Variants in SHOC2 observed in about 807,000 individuals in gnomAD.
SHOC2 encodes the protein SHOC2 leucine rich repeat scaffold protein, also known as leucine-rich repeat protein SHOC-2.
SHOC2 carries 4 observed loss-of-function variants against 50.2 expected under a neutral mutation model. The ratio of observed to expected loss-of-function variants is 0.08; its 90% CI spans 0.04 to 0.18. The LOEUF is 0.18. Among genes scored for constraint, SHOC2 ranks in the 10% least tolerant of loss-of-function variants. The probability of loss-of-function intolerance (pLI) is 1.00; values close to 1 mark genes in which losing one functional copy is unlikely to be tolerated. For missense variants in SHOC2, 388 were observed against 669.6 expected (o/e 0.58, Z 4.64); for synonymous variants, 218 against 244.5 (o/e 0.89, Z 1.01).
At chr10:110,942,589 C>T (rs1330642836) in intron 1 of SHOC2, among the ~76,000 whole-genome samples, 3 of 152,184 alleles carry the variant, frequency 2.0e-5, no homozygotes, top group African/African-American at 2.4e-5. Flanking sequence ...ACTGAAGAGC[C>T]GCACGTTCTC....
intron 1 of SHOC2, among the ~76,000 whole-genome samples, chr10:110,934,358 G>C (rs765776312): frequency 6.6e-6 from 1 of 152,102 alleles, no homozygotes; most frequent in Admixed American, 6.5e-5. Context: ...ATTAAATTAT[G>C]ATATAGCCAT....
chr10:110,947,342 C>A (rs902576901), intron 1 of SHOC2, among the ~76,000 whole-genome samples: 13 of 152,224 alleles, frequency 8.5e-5, no homozygotes, highest in African/African-American at 3.1e-4. Context: ...AGCAAGCCTG[C>A]TCGTGGACTA....
At chr10:110,980,999 G>A (rs1307553050) in intron 2 of SHOC2, among the ~76,000 whole-genome samples, 1 of 152,098 alleles carries the variant, frequency 6.6e-6, no homozygotes. Context: ...CATGTAGATG[G>A]AAACTTGTTT....
chr10:111,009,937 ATATC>A (rs947587008), intron 8 of SHOC2, 107 bp downstream of exon 8: 1 of 738,810 alleles, frequency 1.4e-6, no homozygotes, highest in African/African-American at 1.8e-5. Context: ...AACTGAGGTT[ATATC>A]AGGCTTAAGA....
At chr10:111,004,051 C>T (rs1848426886) in intron 4 of SHOC2, among the ~76,000 whole-genome samples, 1 of 152,026 alleles carries the variant, frequency 6.6e-6, no homozygotes, top group Non-Finnish European at 1.5e-5. Context: ...AGAAATTTTA[C>T]CATATAGAAA....
At chr10:110,929,234 A>G (rs776361228) in intron 1 of SHOC2, among the ~76,000 whole-genome samples, 1 of 152,228 alleles carries the variant, frequency 6.6e-6, no homozygotes, top group Non-Finnish European at 1.5e-5. Context: ...TATGGCCATT[A>G]TCCAGTTTTT....
chr10:110,922,274 G>A (rs1395499329), intron 1 of SHOC2, among the ~76,000 whole-genome samples: 1 of 152,094 alleles, frequency 6.6e-6, no homozygotes, highest in Admixed American at 6.5e-5. Flanking sequence ...GATGGCTTCC[G>A]AGTAGTGATT....
At chr10:110,943,874 G>A (rs1847198098) in intron 1 of SHOC2, among the ~76,000 whole-genome samples, 1 of 152,192 alleles carries the variant, frequency 6.6e-6, no homozygotes, top group Non-Finnish European at 1.5e-5. Context: ...AGTTTTAACA[G>A]TCTGCATTCT....
chr10:111,010,047 ATT>A (rs899652360), intron 8 of SHOC2, among the ~76,000 whole-genome samples: 23 of 152,150 alleles, frequency 1.5e-4, no homozygotes, highest in African/African-American at 5.5e-4. Context: ...TTAGTACTGT[ATT>A]TGAGAATGTT....
intron 1 of SHOC2, among the ~76,000 whole-genome samples, chr10:110,956,743 T>C (rs1442634503): frequency 6.6e-6 from 1 of 152,176 alleles, no homozygotes; most frequent in Non-Finnish European, 1.5e-5. Flanking sequence ...TTACCTTATA[T>C]AATCATTGTG....
intron 2 of SHOC2, among the ~76,000 whole-genome samples, chr10:110,972,447 C>T (rs1354372730): frequency 6.6e-6 from 1 of 152,116 alleles, no homozygotes; most frequent in South Asian, 2.1e-4. Flanking sequence ...TAAATAACTT[C>T]TTTTGACTGG....
At chr10:110,971,989 GATTTA>G (rs1022152112) in intron 2 of SHOC2, among the ~76,000 whole-genome samples, 14 of 151,776 alleles carry the variant, frequency 9.2e-5, no homozygotes, top group East Asian at 1.9e-4. Flanking sequence ...GACCTTAAGA[GATTTA>G]ATTTAACTCC....
intron 1 of SHOC2, among the ~76,000 whole-genome samples, chr10:110,941,676 T>C (rs1847148174): frequency 6.6e-6 from 1 of 152,206 alleles, no homozygotes; most frequent in Admixed American, 6.5e-5. Context: ...TTTTGTCGAA[T>C]ACATGGTTTG....
In SHOC2 at chr10:110,987,884, A is replaced by T. The variant is rs1407877246; in HGVS notation, c.841+2119A>T. ...TATAACCAAATGAACACAGCCAGAGACCAAAGTGATGATCTCTAGGATAAA... is the reference window on the plus strand; with the variant it reads ...TATAACCAAATGAACACAGCCAGAGTCCAAAGTGATGATCTCTAGGATAAA... On this transcript the variant is annotated intron_variant, in intron 3 of 8. Coordinates refer to ENST00000369452, the MANE Select transcript of SHOC2 (RefSeq NM_007373.4). Among the ~76,000 whole-genome samples, 3 of 152,290 alleles carry T rather than the reference A, an allele frequency of 2.0e-5. No individual in the cohort carries two copies. The South Asian group carries it at 6.2e-4, about 32-fold the overall frequency.
chr10:110,932,019 G>C (rs1590778194), intron 1 of SHOC2, among the ~76,000 whole-genome samples: 1 of 152,276 alleles, frequency 6.6e-6, no homozygotes, highest in East Asian at 1.9e-4. Context: ...ATGCAGAAAG[G>C]CTTTTGAATA....
intron 1 of SHOC2, among the ~76,000 whole-genome samples, chr10:110,938,539 T>G (rs1188705573): frequency 6.6e-6 from 1 of 152,178 alleles, no homozygotes; most frequent in African/African-American, 2.4e-5. Flanking sequence ...TAAGTGTACT[T>G]TGAGCAGTTG....
At position 110,964,368 on chromosome 10, in the gene SHOC2, A is replaced by C. The variant is rs397517231; in HGVS notation, c.10A>C (p.Ser4Arg). The C allele has an allele frequency of 7.7e-5, 125 of 1,613,066 alleles. No individual in the cohort carries two copies. The Admixed American group carries it at 2.1e-3, about 27-fold the overall frequency. ...CCAGGCTTGAGTCACCATGAGTAGT[A>C]GTTTAGGAAAAGAAAAAGACTCTAA... MSS[S>R]LGKEKDSKEK... The change falls in exon 2 of 9, where the codon AGT becomes CGT. Residue 4 changes from serine (S) to arginine (R), a missense_variant. Transcript: ENST00000369452. This position sits in a 1 kb window ranked among gnomAD's most constrained non-coding sequence, Gnocchi z 4.9.
intron 2 of SHOC2, among the ~76,000 whole-genome samples, chr10:110,982,128 A>G (rs1398508410): frequency 2.0e-5 from 3 of 148,260 alleles, no homozygotes; most frequent in East Asian, 2.0e-4. Flanking sequence ...TTCTTGAGAT[A>G]GTTTACTGAG....
At chr10:110,919,427 G>A (rs187689658), upstream of SHOC2, 325 of 393,470 alleles carry the variant, frequency 8.3e-4, 1 homozygote, top group Non-Finnish European at 1.2e-3. Context: ...TGATTGGGCA[G>A]CTTCTCTTGC....
Sources: allele counts gnomAD v4.1 joint callset (sites outside exome capture counted in the v4.1 genomes callset), GRCh38; gene constraint gnomAD v4.1.1; non-coding constraint Gnocchi (gnomAD v3.1); transcripts MANE v1.5; gene names NCBI Gene and HGNC (gene_info 2026-07-23, HGNC 2026-07-21).